SPATA16: variants seen among roughly 807,000 people sequenced by gnomAD.
SPATA16 encodes spermatogenesis-associated protein 16.
Under a neutral mutation model 63.3 loss-of-function variants are expected in SPATA16, and 36 were observed. The ratio of observed to expected loss-of-function variants is 0.57; its 90% confidence interval spans 0.44 to 0.75. The LOEUF is 0.75. Ranked by LOEUF, SPATA16 falls within the 30% of genes least tolerant of loss-of-function variation. SPATA16 has a pLI of 0.00. For missense variants in SPATA16, 646 were observed against 679.3 expected, an observed-to-expected ratio of 0.95 and a Z score of 0.54; for synonymous variants, 203 against 216.7, an observed-to-expected ratio of 0.94 and a Z score of 0.56.
intron 6 of SPATA16, among the ~76,000 whole-genome samples, chr3:172,953,330 TGCAGCAA>T (rs960818617): frequency 2.8e-4 from 42 of 152,108 alleles, no homozygotes; most frequent in African/African-American, 9.4e-4. Context: ...TGCTGGAGAA[TGCAGCAA>T]GGGAAAAATG....
chr3:173,113,906 G>T (rs537735581), intron 2 of SPATA16, among the ~76,000 whole-genome samples: 2 of 152,118 alleles, frequency 1.3e-5, no homozygotes, highest in Non-Finnish European at 2.9e-5. Context: ...TCTGCTGGGC[G>T]CAGTGGCTCA....
chr3:172,967,347 A>C (rs1733939894), intron 5 of SPATA16, among the ~76,000 whole-genome samples: 1 of 152,220 alleles, frequency 6.6e-6, no homozygotes, highest in South Asian at 2.1e-4. Context: ...CCTACTAATA[A>C]TACTGAAAAA....
intron 2 of SPATA16, among the ~76,000 whole-genome samples, chr3:173,077,371 G>A (rs967705298): frequency 2.0e-5 from 3 of 152,008 alleles, no homozygotes; most frequent in African/African-American, 4.8e-5. Context: ...GGAGAAAAGA[G>A]GTATAAAAGC....
intron 2 of SPATA16, among the ~76,000 whole-genome samples, chr3:173,057,864 T>A (rs1346057024): frequency 6.6e-6 from 1 of 152,198 alleles, no homozygotes; most frequent in Non-Finnish European, 1.5e-5. Context: ...TCGTTTTTCC[T>A]AGTAATTCTT....
chr3:173,005,113 G>T (rs902228712), intron 4 of SPATA16, among the ~76,000 whole-genome samples: 1 of 152,110 alleles, frequency 6.6e-6, no homozygotes, highest in East Asian at 1.9e-4. Context: ...ACGAGGTCAG[G>T]AGATCGAGAC....
At chr3:172,995,208 A>G (rs770974688) in intron 4 of SPATA16, among the ~76,000 whole-genome samples, 6 of 152,196 alleles carry the variant, frequency 3.9e-5, no homozygotes, top group African/African-American at 7.2e-5. Flanking sequence ...TGGGAAAGAA[A>G]AATCAGGGGG....
chr3:173,138,171 CT>C (rs1436551292), intron 1 of SPATA16, among the ~76,000 whole-genome samples: 1 of 152,116 alleles, frequency 6.6e-6, no homozygotes, highest in Non-Finnish European at 1.5e-5. Context: ...TTGAATTCTT[CT>C]GCCTGAGTTA....
At chr3:172,959,497 A>G (rs1192819575) in intron 5 of SPATA16, among the ~76,000 whole-genome samples, 2 of 152,158 alleles carry the variant, frequency 1.3e-5, no homozygotes, top group Admixed American at 6.5e-5. Flanking sequence ...CTGCTCTCCA[A>G]CCTGAAGACG....
chr3:172,969,572 A>G (rs981694971), intron 5 of SPATA16, among the ~76,000 whole-genome samples: 3 of 152,156 alleles, frequency 2.0e-5, no homozygotes, highest in Non-Finnish European at 4.4e-5. Flanking sequence ...TTTCTAAGTG[A>G]CTCTGATGCA....
chr3:172,893,433 C>T (rs1030939847), intron 10 of SPATA16, among the ~76,000 whole-genome samples: 2 of 152,188 alleles, frequency 1.3e-5, no homozygotes, highest in African/African-American at 4.8e-5. Context: ...AGGCAGGGAA[C>T]AGTTTCTTCT....
At chr3:173,057,088 C>T (rs1736251447) in intron 2 of SPATA16, among the ~76,000 whole-genome samples, 1 of 150,750 alleles carries the variant, frequency 6.6e-6, no homozygotes. Flanking sequence ...ACCATTTCAA[C>T]TATAGTATTT....
intron 2 of SPATA16, among the ~76,000 whole-genome samples, chr3:173,067,152 C>T (rs1160993681): frequency 6.6e-6 from 1 of 151,754 alleles, no homozygotes; most frequent in Non-Finnish European, 1.5e-5. Flanking sequence ...ATGAATGAAG[C>T]GGACCTACAA....
intron 10 of SPATA16, among the ~76,000 whole-genome samples, chr3:172,892,939 G>A (rs1731924355): frequency 6.6e-6 from 1 of 152,124 alleles, no homozygotes; most frequent in South Asian, 2.1e-4. Flanking sequence ...ACAGTGATAT[G>A]GACATTAGAC....
rs776645241 is a variant in SPATA16 at position 173,004,650 on chromosome 3, T to C, written c.848+14836A>G. The stretch of plus-strand genomic sequence containing the variant: ...CATTTGGGTTTCAAGATTGAGAAAC[T>C]CATTGTTTTTTGAGGTAGCTTCATC... On this transcript the variant is annotated intron_variant, in intron 4 of 10. Transcript: ENST00000351008. Among the ~76,000 whole-genome samples, 11 of 152,340 alleles carry C rather than the reference T, an allele frequency of 7.2e-5. 1 individual carries two copies. The South Asian group carries it at 8.3e-4, about 11-fold the overall frequency.
At chr3:172,947,388 G>A (rs1733317747) in intron 6 of SPATA16, among the ~76,000 whole-genome samples, 1 of 151,114 alleles carries the variant, frequency 6.6e-6, no homozygotes, top group Non-Finnish European at 1.5e-5. Flanking sequence ...ATCTACATAA[G>A]GCACCAGGGA....
intron 9 of SPATA16, among the ~76,000 whole-genome samples, chr3:172,915,279 A>G (rs1002147264): frequency 2.6e-5 from 4 of 152,174 alleles, no homozygotes; most frequent in Non-Finnish European, 4.4e-5. Context: ...TTGGCTAGTC[A>G]TACAACTTCC....
chr3:173,121,033 A>G (rs1451375440), intron 1 of SPATA16, among the ~76,000 whole-genome samples: 1 of 152,218 alleles, frequency 6.6e-6, no homozygotes, highest in Non-Finnish European at 1.5e-5. Flanking sequence ...TGAAAGATCA[A>G]TTATTCCCAA....
chr3:173,066,248 C>A (rs1395475656), intron 2 of SPATA16, among the ~76,000 whole-genome samples: 3 of 152,192 alleles, frequency 2.0e-5, no homozygotes, highest in Admixed American at 2.0e-4. Context: ...TGGCACGGAT[C>A]CATCCTGACA....
At chr3:173,079,547 A>G (rs1053442640) in intron 2 of SPATA16, among the ~76,000 whole-genome samples, 1 of 152,088 alleles carries the variant, frequency 6.6e-6, no homozygotes, top group African/African-American at 2.4e-5. Context: ...TTTCATGTGA[A>G]TTTATCTCCC....
Sources: allele counts gnomAD v4.1 joint callset (sites outside exome capture counted in the v4.1 genomes callset), GRCh38; gene constraint gnomAD v4.1.1; transcripts MANE v1.5; gene names NCBI Gene and HGNC (gene_info 2026-07-23, HGNC 2026-07-21).